The following DLG2 variants were observed in gnomAD, a reference collection of about 807,000 sequenced individuals.
The protein encoded by DLG2 is discs large MAGUK scaffold protein 2.
A neutral mutation model predicts 132.5 loss-of-function variants in DLG2; 45 were observed. That is an observed-to-expected ratio of 0.34 (90% CI 0.27 to 0.44). The LOEUF (loss-of-function observed/expected upper bound fraction) is 0.44. Ranked by LOEUF, DLG2 falls within the 20% of genes least tolerant of loss-of-function variation. DLG2 has a pLI of 1.00. For missense variants in DLG2, 1,045 were observed against 1,196.9 expected (o/e 0.87, Z 1.87); for synonymous variants, 424 against 419.6 (o/e 1.01, Z -0.13).
chr11:84,512,116 CTT>C (rs2099258673), intron 7 of DLG2, among the ~76,000 whole-genome samples: 2 of 152,088 alleles, frequency 1.3e-5, no homozygotes, highest in Non-Finnish European at 2.9e-5. Flanking sequence ...ATTTCTCCTC[CTT>C]TTTACATATA....
intron 6 of DLG2, among the ~76,000 whole-genome samples, chr11:84,753,112 A>G (rs1249756916): frequency 2.0e-5 from 3 of 152,320 alleles, no homozygotes; most frequent in South Asian, 2.1e-4. Context: ...AGTCAACAGT[A>G]ATCACAAAGA....
At chr11:85,058,439 C>T (rs1030717797) in intron 6 of DLG2, among the ~76,000 whole-genome samples, 4 of 151,300 alleles carry the variant, frequency 2.6e-5, no homozygotes, top group Admixed American at 2.6e-4. Flanking sequence ...ATTATAAGCT[C>T]AAAGTTTTAA....
chr11:85,262,867 C>T (rs1198920311), intron 4 of DLG2, among the ~76,000 whole-genome samples: 1 of 152,062 alleles, frequency 6.6e-6, no homozygotes, highest in Non-Finnish European at 1.5e-5. Flanking sequence ...TCATTTGGTC[C>T]GGGAACAGCC....
intron 21 of DLG2, among the ~76,000 whole-genome samples, chr11:83,518,215 C>T (rs2095361604): frequency 6.6e-6 from 1 of 152,220 alleles, no homozygotes; most frequent in Admixed American, 6.5e-5. Context: ...CAAGCCTTGG[C>T]AATGGCGGGA....
At chr11:84,059,507 A>G in intron 10 of DLG2, 23 bp from the exon 11 acceptor site, 1 of 1,528,002 alleles carries the variant, frequency 6.5e-7, no homozygotes, top group South Asian at 1.3e-5. Flanking sequence ...AAAAGAGTCA[A>G]GATTCAGAAG....
chr11:85,551,941 C>T (rs746593153), intron 3 of DLG2, among the ~76,000 whole-genome samples: 38 of 151,812 alleles, frequency 2.5e-4, no homozygotes, highest in Non-Finnish European at 2.9e-5. Context: ...ACTAAGAATT[C>T]AGTGGGAAAA....
chr11:83,549,909 A>G (rs2096344861), intron 19 of DLG2, among the ~76,000 whole-genome samples: 3 of 152,178 alleles, frequency 2.0e-5, no homozygotes, highest in Admixed American at 2.0e-4. Context: ...TTCAGCTTCT[A>G]TAATAATTAA....
chr11:84,745,026 G>GAA (rs575366388), intron 6 of DLG2, among the ~76,000 whole-genome samples: 9 of 144,470 alleles, frequency 6.2e-5, no homozygotes, highest in African/African-American at 1.0e-4. Flanking sequence ...GAATAAAGGT[G>GAA]AAAAAAAAAA....
intron 2 of DLG2, among the ~76,000 whole-genome samples, chr11:85,614,791 T>C (rs2081235063): frequency 6.6e-6 from 1 of 152,220 alleles, no homozygotes; most frequent in African/African-American, 2.4e-5. Context: ...GAACTACTAC[T>C]ATATACATTT....
intron 22 of DLG2, among the ~76,000 whole-genome samples, 165 bp from the exon 23 acceptor site, chr11:83,472,942 A>G (rs2092245213): frequency 6.6e-6 from 1 of 152,102 alleles, no homozygotes; most frequent in Non-Finnish European, 1.5e-5. Context: ...ACTCTTTAGC[A>G]CCATTTTAGT....
At chr11:83,792,994 A>G (rs1329147661) in intron 17 of DLG2, among the ~76,000 whole-genome samples, 2 of 152,164 alleles carry the variant, frequency 1.3e-5, no homozygotes, top group African/African-American at 4.8e-5. Flanking sequence ...TAGGTAAACA[A>G]TTTTATTTTT....
chr11:85,194,882 G>A (rs1294383615), intron 4 of DLG2, among the ~76,000 whole-genome samples: 2 of 152,062 alleles, frequency 1.3e-5, no homozygotes, highest in East Asian at 1.9e-4. Flanking sequence ...CACTTACTAT[G>A]TGCCATGTTC....
intron 3 of DLG2, among the ~76,000 whole-genome samples, chr11:85,501,725 T>C (rs1007626037): frequency 6.6e-6 from 1 of 151,854 alleles, no homozygotes; most frequent in African/African-American, 2.4e-5. Flanking sequence ...TTAGATACCA[T>C]CTCACACCAG....
chr11:83,753,817 T>TA (rs1555380858), intron 18 of DLG2, among the ~76,000 whole-genome samples: 999 of 71,456 alleles, frequency 0.014, 76 homozygotes, highest in African/African-American at 0.09. Flanking sequence ...ATATCATATA[T>TA]ATATTTCATA....
intron 11 of DLG2, among the ~76,000 whole-genome samples, chr11:84,055,782 A>G (rs540452573): frequency 2.6e-5 from 4 of 152,114 alleles, no homozygotes; most frequent in Non-Finnish European, 5.9e-5. Flanking sequence ...ACTTTTCCCA[A>G]TTTATATTAT....
intron 7 of DLG2, among the ~76,000 whole-genome samples, chr11:84,347,324 G>A (rs140867975): frequency 2.0e-3 from 299 of 152,242 alleles, no homozygotes; most frequent in African/African-American, 6.7e-3. Context: ...TGCCCACAAC[G>A]TAAGCCATTT....
chr11:83,640,623 C>A (rs17467404), intron 18 of DLG2, among the ~76,000 whole-genome samples: 60,620 of 152,012 alleles, frequency 0.4, 14,482 homozygotes, highest in African/African-American at 0.67. Context: ...ATCCACTGAA[C>A]AGATTTTTTT....
At chr11:83,513,909 C>A (rs1370763204) in intron 21 of DLG2, among the ~76,000 whole-genome samples, 1 of 152,166 alleles carries the variant, frequency 6.6e-6, no homozygotes, top group Non-Finnish European at 1.5e-5. Flanking sequence ...GATACCAGTA[C>A]CACGCTGTTT....
intron 6 of DLG2, among the ~76,000 whole-genome samples, chr11:84,935,873 T>G (rs1181664950): frequency 6.6e-6 from 1 of 152,208 alleles, no homozygotes; most frequent in East Asian, 1.9e-4. Context: ...GTGGCCTATC[T>G]TCAGAGTAAA....
Sources: gnomAD v4.1 joint callset for allele counts (sites outside exome capture counted in the v4.1 genomes callset) on GRCh38, gnomAD v4.1.1 for gene constraint, MANE v1.5 for transcripts, NCBI Gene and HGNC (gene_info 2026-07-23, HGNC 2026-07-21) for gene names.